CADPS2: variants seen among roughly 807,000 people sequenced by gnomAD.
The protein encoded by CADPS2 is calcium-dependent secretion activator 2.
Under a neutral mutation model 172.5 loss-of-function variants are expected in CADPS2, and 93 were observed. The observed-to-expected ratio is 0.54, with a 90% CI of 0.46 to 0.64. CADPS2 has a LOEUF of 0.64. Among genes scored for constraint, CADPS2 ranks in the 30% least tolerant of loss-of-function variants. The pLI is 0.00. For synonymous variants in CADPS2, 546 were observed against 555.2 expected, an observed-to-expected ratio of 0.98 and a Z score of 0.23; for missense variants, 1,420 against 1,565.9, an observed-to-expected ratio of 0.91 and a Z score of 1.57.
At chr7:122,746,552 T>C (rs370386849) in intron 1 of CADPS2, among the ~76,000 whole-genome samples, 172 of 152,110 alleles carry the variant, frequency 1.1e-3, no homozygotes, top group Middle Eastern at 0.01. Flanking sequence ...CTGGGCCATA[T>C]TGGAAGAAGC....
chr7:122,407,253 A>ACAC (rs2046762462), intron 20 of CADPS2, among the ~76,000 whole-genome samples: 1 of 152,184 alleles, frequency 6.6e-6, no homozygotes, highest in Non-Finnish European at 1.5e-5. Flanking sequence ...AGATTTTCAG[A>ACAC]TTCATAAGGT....
chr7:122,559,192 A>T (rs1156790050), intron 7 of CADPS2, among the ~76,000 whole-genome samples: 1 of 152,162 alleles, frequency 6.6e-6, no homozygotes, highest in Non-Finnish European at 1.5e-5. Flanking sequence ...CCTAAGATTT[A>T]TAAGGCTGAC....
At chr7:122,422,158 T>C (rs1057134766) in intron 17 of CADPS2, 8 of 152,200 alleles carry the variant, frequency 5.3e-5, no homozygotes, top group Non-Finnish European at 1.0e-4. Flanking sequence ...AAATATCTAC[T>C]ATCTAGTGAA....
intron 2 of CADPS2, among the ~76,000 whole-genome samples, chr7:122,732,304 AGGT>A (rs1464151903): frequency 2.6e-5 from 4 of 151,602 alleles, no homozygotes; most frequent in African/African-American, 9.7e-5. Context: ...GAATATCTGA[AGGT>A]ACAACCACTA....
chr7:122,512,297 C>A (rs757320589), intron 9 of CADPS2, among the ~76,000 whole-genome samples: 1 of 152,056 alleles, frequency 6.6e-6, no homozygotes, highest in Admixed American at 6.6e-5. Context: ...TCATTCTGAT[C>A]TAGTCCAGTT....
chr7:122,520,684 C>G (rs2060720215), intron 8 of CADPS2, among the ~76,000 whole-genome samples: 1 of 152,042 alleles, frequency 6.6e-6, no homozygotes, highest in Non-Finnish European at 1.5e-5. Context: ...AGCACTTTAT[C>G]AAACCTTTCT....
chr7:122,840,319 A>T (rs530705177), intron 1 of CADPS2, among the ~76,000 whole-genome samples: 3 of 152,048 alleles, frequency 2.0e-5, no homozygotes, highest in Non-Finnish European at 4.4e-5. Flanking sequence ...TAGGAGATAT[A>T]CCTAATGTAA....
intron 2 of CADPS2, among the ~76,000 whole-genome samples, chr7:122,673,876 T>C (rs1449196144): frequency 3.5e-5 from 1 of 28,806 alleles, no homozygotes; most frequent in Non-Finnish European, 6.8e-5. Context: ...TGGTGCCTGT[T>C]GGGGAGGCTT....
chr7:122,862,832 T>C (rs1215056774), intron 1 of CADPS2, among the ~76,000 whole-genome samples: 3 of 152,174 alleles, frequency 2.0e-5, no homozygotes, highest in East Asian at 1.9e-4. Context: ...CTAACTGGAA[T>C]AGAAATAATA....
At chr7:122,503,030 C>CTTTT (rs11293004) in intron 9 of CADPS2, among the ~76,000 whole-genome samples, 1 of 102,800 alleles carries the variant, frequency 9.7e-6, no homozygotes, top group Non-Finnish European at 2.0e-5. Context: ...GAGAAAAAAA[C>CTTTT]TTTTTTTTTT....
chr7:122,379,219 TGC>T, intron 25 of CADPS2, 147 bp downstream of exon 25: 1 of 516,858 alleles, frequency 1.9e-6, no homozygotes, highest in Non-Finnish European at 3.4e-6. Context: ...AACCTTTTTT[TGC>T]TCCCAACTTT....
chr7:122,363,302 G>A (rs576082411), intron 25 of CADPS2, among the ~76,000 whole-genome samples: 6 of 152,262 alleles, frequency 3.9e-5, no homozygotes, highest in East Asian at 3.9e-4. Flanking sequence ...CGAGGACAGC[G>A]GCAATTGCTA....
At chr7:122,727,098 G>A (rs2091184311) in intron 2 of CADPS2, among the ~76,000 whole-genome samples, 1 of 151,908 alleles carries the variant, frequency 6.6e-6, no homozygotes, top group African/African-American at 2.4e-5. Flanking sequence ...GCTGACACTG[G>A]ATTTAAAGAA....
chr7:122,390,893 G>A (rs939477066), intron 22 of CADPS2, among the ~76,000 whole-genome samples: 1 of 151,740 alleles, frequency 6.6e-6, no homozygotes, highest in African/African-American at 2.4e-5. Flanking sequence ...TCCTAAAAAT[G>A]CCAGCAGGAA....
chr7:122,797,578 T>C (rs1478556633), intron 1 of CADPS2, among the ~76,000 whole-genome samples: 1 of 152,130 alleles, frequency 6.6e-6, no homozygotes, highest in Non-Finnish European at 1.5e-5. Flanking sequence ...CCATTATCCT[T>C]AGCAAACTAA....
chr7:122,676,701 G>C (rs1264754576), intron 2 of CADPS2: 1 of 1,589,080 alleles, frequency 6.3e-7, no homozygotes, highest in East Asian at 2.2e-5. Flanking sequence ...ACATCCTGGA[G>C]GTGCTGTACA....
chr7:122,450,786 T>C (rs1328527120), intron 15 of CADPS2, among the ~76,000 whole-genome samples: 1 of 152,062 alleles, frequency 6.6e-6, no homozygotes. Context: ...CAAACCCACA[T>C]GGCCTCCCAA....
intron 1 of CADPS2, among the ~76,000 whole-genome samples, chr7:122,816,464 T>C (rs980805545): frequency 6.6e-6 from 1 of 152,230 alleles, no homozygotes; most frequent in African/African-American, 2.4e-5. Flanking sequence ...TGATTCCATA[T>C]CTTGGCTATT....
chr7:122,411,653 G>A (rs1198529639), intron 19 of CADPS2, among the ~76,000 whole-genome samples: 1 of 152,168 alleles, frequency 6.6e-6, no homozygotes. Flanking sequence ...CCCAAGACAA[G>A]ATTAGTTTGC....
Sources: allele counts gnomAD v4.1 joint callset (sites outside exome capture counted in the v4.1 genomes callset), GRCh38; gene constraint gnomAD v4.1.1; transcripts MANE v1.5; gene names NCBI Gene and HGNC (gene_info 2026-07-23, HGNC 2026-07-21).